Variants in CCDC171 observed in about 807,000 individuals in gnomAD.
CCDC171 encodes the protein coiled-coil domain-containing protein 171.
In CCDC171, 177 loss-of-function variants were observed where a neutral mutation model predicts 168.2. That is an observed-to-expected ratio of 1.05 (90% CI 0.93 to 1.19). CCDC171 has a LOEUF of 1.19. CCDC171 is among the 50% of genes most tolerant of loss of function. The pLI is 0.00. For missense variants in CCDC171, 1,991 were observed against 1,539.0 expected (o/e 1.29, Z -4.91); for synonymous variants, 687 against 540.8 (o/e 1.27, Z -3.75).
At chr9:15,653,671 TTTGA>T (rs2047703792) in intron 7 of CCDC171, among the ~76,000 whole-genome samples, 1 of 152,152 alleles carries the variant, frequency 6.6e-6, no homozygotes, top group Non-Finnish European at 1.5e-5. Flanking sequence ...TAACTCCCAG[TTTGA>T]TTATTTTAAA....
At chr9:15,627,754 G>C (rs534566355) in intron 7 of CCDC171, among the ~76,000 whole-genome samples, 5 of 152,294 alleles carry the variant, frequency 3.3e-5, no homozygotes, top group Non-Finnish European at 7.3e-5. Flanking sequence ...GGTCAGTTTT[G>C]GAGTAAGTGT....
rs140249341 is a variant in CCDC171 at position 15,962,141 on chromosome 9, G to A, written c.3754-9468G>A. 3.8e-3 allele frequency among the ~76,000 whole-genome samples: 582 copies of A among 152,190 alleles called. 2 individuals carry two copies. Among genetic ancestry groups the A allele is most frequent in the Middle Eastern group, 0.01 (3 of 292 alleles). On this transcript the variant is annotated intron_variant, in intron 25 of 25. Transcript: ENST00000380701. ...ATTCATTTACATATCCTCGATGGCC[G>A]CTTATGTGCTACAACACAGGGGCTA...
Position 15,899,207 on chromosome 9 carries a change from G to A in CCDC171, c.3601-21063G>A, listed in dbSNP as rs547406698. Among the ~76,000 whole-genome samples, 4 of 151,884 alleles carry A rather than the reference G, an allele frequency of 2.6e-5. No individual in the cohort carries two copies. In the East Asian group the frequency reaches 5.8e-4, roughly 22 times the overall value. ...TATTGGTGACTTGTTTTCGTGGTAT[G>A]GATGTATCACAGTTTGTTTAGCCAT... On this transcript the variant is annotated intron_variant, in intron 24 of 25. Coordinates refer to ENST00000380701, the MANE Select transcript of CCDC171 (RefSeq NM_173550.4).
intron 21 of CCDC171, among the ~76,000 whole-genome samples, chr9:15,793,824 G>A (rs2058409111): frequency 6.6e-6 from 1 of 151,950 alleles, no homozygotes; most frequent in Non-Finnish European, 1.5e-5. Flanking sequence ...TGGGATTATT[G>A]ATGTGACAGA....
At chr9:15,564,230 A>G (rs958639637) in intron 2 of CCDC171, 101 bp downstream of exon 2, 19 of 815,746 alleles carry the variant, frequency 2.3e-5, no homozygotes, top group Non-Finnish European at 3.4e-5. Context: ...TTCTCATGGG[A>G]TGGTAAGGGG....
At chr9:15,750,972 A>T (rs1337153008) in intron 18 of CCDC171, among the ~76,000 whole-genome samples, 1 of 152,208 alleles carries the variant, frequency 6.6e-6, no homozygotes, top group African/African-American at 2.4e-5. Flanking sequence ...TTAGGAAAAG[A>T]GGAAATCAAA....
intron 6 of CCDC171, among the ~76,000 whole-genome samples, chr9:15,616,535 T>C (rs1487582714): frequency 2.0e-5 from 3 of 152,172 alleles, no homozygotes; most frequent in Non-Finnish European, 4.4e-5. Flanking sequence ...TTTGTTATTA[T>C]TTCAAATTAT....
intron 21 of CCDC171, among the ~76,000 whole-genome samples, chr9:15,842,332 G>A (rs761770842): frequency 6.6e-5 from 10 of 152,016 alleles, no homozygotes; most frequent in Non-Finnish European, 1.5e-4. Context: ...AACTATGTTG[G>A]GTGATTCGCT....
At chr9:15,783,540 A>G (rs942079617) in intron 20 of CCDC171, among the ~76,000 whole-genome samples, 16 of 152,218 alleles carry the variant, frequency 1.1e-4, no homozygotes. Context: ...AAGTGGCCTG[A>G]ATCGTTCCTT....
chr9:15,578,977 T>A lies in CCDC171; in HGVS notation c.306T>A (p.Ala102=). 1 of 1,614,046 alleles carries A rather than the reference T, an allele frequency of 6.2e-7. No homozygotes were observed. The highest frequency in any genetic ancestry group is 8.5e-7 in the Non-Finnish European group (1 of 1,179,956). ...RKEAGLGRRA[A]EERLAEAHRI... ...AAGCTGGTCTTGGAAGACGGGCTGC[T>A]GAAGAAAGATTAGCCGAGGCACATA... Residue 102 remains alanine (A), a synonymous_variant, in exon 4 of 26, where the codon GCT becomes GCA. Coordinates refer to ENST00000380701, the MANE Select transcript of CCDC171 (RefSeq NM_173550.4).
intron 6 of CCDC171, among the ~76,000 whole-genome samples, chr9:16,028,920 T>G (rs924005257): frequency 1.3e-5 from 2 of 151,874 alleles, no homozygotes; most frequent in Non-Finnish European, 1.5e-5. Context: ...TTTCATGGAG[T>G]CAGACCTGTA....
chr9:15,749,745 G>T (rs993539625), intron 18 of CCDC171, among the ~76,000 whole-genome samples: 6 of 152,122 alleles, frequency 3.9e-5, no homozygotes, highest in Non-Finnish European at 5.9e-5. Context: ...CAAAATGAAG[G>T]CAGAAATAAA....
intron 6 of CCDC171, among the ~76,000 whole-genome samples, chr9:15,614,182 C>A (rs1301103580): frequency 6.6e-6 from 1 of 152,174 alleles, no homozygotes; most frequent in African/African-American, 2.4e-5. Context: ...TATATATAGA[C>A]TTGCACTTGC....
chr9:15,657,930 GC>G (rs1250713982), intron 8 of CCDC171, among the ~76,000 whole-genome samples: 5 of 152,152 alleles, frequency 3.3e-5, no homozygotes, highest in African/African-American at 1.2e-4. Context: ...CTGCCCATGG[GC>G]CAAGTCTGAC....
intron 18 of CCDC171, among the ~76,000 whole-genome samples, chr9:15,771,399 A>T (rs1227623703): frequency 6.6e-6 from 1 of 152,176 alleles, no homozygotes; most frequent in Non-Finnish European, 1.5e-5. Context: ...GGCAAAAGAC[A>T]TTATATTATT....
chr9:15,762,029 A>T (rs967950341), intron 18 of CCDC171, among the ~76,000 whole-genome samples: 2 of 152,124 alleles, frequency 1.3e-5, no homozygotes, highest in African/African-American at 2.4e-5. Context: ...TCTTTTATAG[A>T]ATATATTTTA....
At chr9:15,918,464 C>G (rs2131961767) in intron 24 of CCDC171, among the ~76,000 whole-genome samples, 2 of 149,326 alleles carry the variant, frequency 1.3e-5, no homozygotes, top group Non-Finnish European at 3.0e-5. Context: ...GATTTCTGGT[C>G]TACTATCTCA....
At chr9:15,891,509 G>A (rs1202570181) in intron 24 of CCDC171, among the ~76,000 whole-genome samples, 1 of 152,160 alleles carries the variant, frequency 6.6e-6, no homozygotes, top group African/African-American at 2.4e-5. Flanking sequence ...AGACACACGG[G>A]AGGTGCTGGT....
At chr9:15,993,043 C>G (rs1488943021) in intron 3 of CCDC171, among the ~76,000 whole-genome samples, 4 of 152,182 alleles carry the variant, frequency 2.6e-5, no homozygotes, top group African/African-American at 9.7e-5. Context: ...AGATTCAGTG[C>G]TATCCCCATC....
Sources: allele counts gnomAD v4.1 joint callset (sites outside exome capture counted in the v4.1 genomes callset), GRCh38; gene constraint gnomAD v4.1.1; transcripts MANE v1.5; gene names NCBI Gene and HGNC (gene_info 2026-07-23, HGNC 2026-07-21).